Variants in ARHGAP19 observed in about 807,000 individuals in gnomAD.
The protein encoded by ARHGAP19 is rho GTPase-activating protein 19.
Under a neutral mutation model 60.9 loss-of-function variants are expected in ARHGAP19, and 48 were observed. The ratio of observed to expected loss-of-function variants is 0.79; its 90% confidence interval spans 0.62 to 1.00. The LOEUF (loss-of-function observed/expected upper bound fraction) is 1.00, where lower values mean the gene tolerates loss of function less well. ARHGAP19 is among the 50% of genes least tolerant of loss of function. The probability of loss-of-function intolerance (pLI) is 0.00; values close to 1 mark genes in which losing one functional copy is unlikely to be tolerated. For synonymous variants in ARHGAP19, 209 were observed against 215.5 expected, an observed-to-expected ratio of 0.97 and a Z score of 0.27; for missense variants, 562 against 597.2, an observed-to-expected ratio of 0.94 and a Z score of 0.61.
chr10:97,246,211 T>A lies in ARHGAP19; in HGVS notation c.993+61A>T, dbSNP rs1020259404. 84 of 1,374,876 alleles carry A rather than the reference T, an allele frequency of 6.1e-5. 2 individuals carry two copies. In the South Asian group the frequency reaches 9.5e-4, roughly 16 times the overall value. The allele number at this position is 1,374,876 out of a possible 1,614,324, so 85.2% of individuals were successfully genotyped here. On this transcript the variant is annotated intron_variant, in intron 7 of 11. Transcript: ENST00000358531. ...TTTACTTTGACTTCATACTTTGTTT[T>A]AAGACTCCACAAATCTTAATGCTCT...
intron 3 of ARHGAP19, 69 bp downstream of exon 3, chr10:97,264,757 C>T: frequency 8.5e-7 from 1 of 1,175,584 alleles, no homozygotes; most frequent in Non-Finnish European, 1.3e-6. Context: ...TAACTCAAGG[C>T]AGTTAGCTCT....
At chr10:97,243,707 C>T (rs17112577) in intron 8 of ARHGAP19, among the ~76,000 whole-genome samples, 6,396 of 152,278 alleles carry the variant, frequency 0.042, 200 homozygotes, top group Non-Finnish European at 0.059. Flanking sequence ...TGCTGGTTAT[C>T]TCTCAGCAAA....
intron 11 of ARHGAP19, among the ~76,000 whole-genome samples, chr10:97,227,141 A>T (rs1489087345): frequency 2.6e-5 from 4 of 152,252 alleles, no homozygotes; most frequent in African/African-American, 9.6e-5. Context: ...CCTGTACTAA[A>T]TAATAGTCTT....
At chr10:97,285,479 T>A (rs1843142061) in intron 1 of ARHGAP19, among the ~76,000 whole-genome samples, 2 of 151,128 alleles carry the variant, frequency 1.3e-5, no homozygotes, top group Non-Finnish European at 2.9e-5. Flanking sequence ...ACTGCGGGTA[T>A]GTGCCACCAT....
chr10:97,286,873 G>A (rs1010246911), intron 1 of ARHGAP19, among the ~76,000 whole-genome samples: 2 of 152,038 alleles, frequency 1.3e-5, no homozygotes, highest in South Asian at 4.1e-4. Context: ...TCCTGCTTTC[G>A]CCTTTTCTCT....
chr10:97,252,266 T>C (rs12358257), intron 6 of ARHGAP19, among the ~76,000 whole-genome samples: 1 of 150,636 alleles, frequency 6.6e-6, no homozygotes, highest in African/African-American at 2.4e-5. Context: ...TCACTTGAGC[T>C]CAGTGAGCTG....
chr10:97,267,362 C>T (rs958340919), intron 1 of ARHGAP19, among the ~76,000 whole-genome samples: 1 of 152,240 alleles, frequency 6.6e-6, no homozygotes, highest in African/African-American at 2.4e-5. Context: ...CTGGGTACAT[C>T]CCCATTCCTG....
At chr10:97,287,640 G>A (rs1046257724) in intron 1 of ARHGAP19, among the ~76,000 whole-genome samples, 3 of 151,968 alleles carry the variant, frequency 2.0e-5, no homozygotes, top group East Asian at 1.9e-4. Context: ...CTACTTGAGA[G>A]GCTAAGGTGG....
chr10:97,259,585 T>G lies in ARHGAP19; in HGVS notation c.657A>C (p.Pro219=). 6.2e-7 allele frequency: 1 copy of G among 1,614,184 alleles called. No individual in the cohort carries two copies. Among genetic ancestry groups the G allele is most frequent in the Non-Finnish European group, 8.5e-7 (1 of 1,180,026 alleles). Residue 219 remains proline, a synonymous_variant, in exon 5 of 12, where the codon CCA becomes CCC. Coordinates refer to ENST00000358531, the MANE Select transcript of ARHGAP19 (RefSeq NM_032900.6). The stretch of plus-strand genomic sequence containing the variant: ...GAGCCTCAATTTGCCGGTCCTTGTC[T>G]GGTATATTGGTCTTGTTTCCTTTAT... ...FDDKGNKTNI[P]DKDRQIEALQ...
intron 6 of ARHGAP19, among the ~76,000 whole-genome samples, chr10:97,248,329 G>A (rs1409714157): frequency 1.3e-5 from 2 of 151,886 alleles, no homozygotes; most frequent in Admixed American, 1.3e-4. Context: ...TGGGAGGATC[G>A]ACTGGTCCCA....
chr10:97,242,412 C>T (rs531474248), intron 8 of ARHGAP19, among the ~76,000 whole-genome samples: 6 of 149,624 alleles, frequency 4.0e-5, no homozygotes, highest in Non-Finnish European at 8.9e-5. Context: ...CAGCTCACCG[C>T]AACCTCCACC....
rs985764869 is a variant in ARHGAP19 at position 97,246,414 on chromosome 10, G to T, written c.928-77C>A. On this transcript the variant is annotated intron_variant, in intron 6 of 11. Transcript: ENST00000358531. ...ATTCTTTCAGGCCGCAAGGACAGTG[G>T]TTCTCAAAATCATTTGACCAGCAGA... The T allele has an allele frequency of 2.1e-5, 25 of 1,165,598 alleles. No individual in the cohort carries two copies. The Admixed American group carries it at 4.3e-4, about 20-fold the overall frequency. The allele number at this position is 1,165,598 out of a possible 1,614,324, so 72.2% of individuals were successfully genotyped here. A position where few individuals can be genotyped will look rare whatever the true frequency, so the allele number is the denominator to read the frequency against.
chr10:97,241,731 C>A (rs972406963), intron 8 of ARHGAP19, among the ~76,000 whole-genome samples: 7 of 150,110 alleles, frequency 4.7e-5, no homozygotes, highest in African/African-American at 1.5e-4. Flanking sequence ...AAAAATAGGC[C>A]GGGTGCAGTG....
At chr10:97,249,033 A>G (rs2134850079) in intron 6 of ARHGAP19, among the ~76,000 whole-genome samples, 1 of 152,234 alleles carries the variant, frequency 6.6e-6, no homozygotes, top group Non-Finnish European at 1.5e-5. Flanking sequence ...GCCCAGGAGA[A>G]TATCAACATT....
At chr10:97,228,993 T>C (rs972286749) in intron 11 of ARHGAP19, 154 bp downstream of exon 11, 10 of 744,126 alleles carry the variant, frequency 1.3e-5, no homozygotes, top group Non-Finnish European at 2.2e-5. Context: ...AATAACCATC[T>C]GGTGAATGAA....
chr10:97,263,365 C>A, intron 4 of ARHGAP19, 55 bp downstream of exon 4: 4 of 1,551,284 alleles, frequency 2.6e-6, no homozygotes, highest in South Asian at 1.1e-5. Flanking sequence ...TTCCTAGGAA[C>A]TTTACTAAAT....
intron 6 of ARHGAP19, among the ~76,000 whole-genome samples, chr10:97,246,547 A>C (rs1232427491): frequency 6.6e-6 from 1 of 152,210 alleles, no homozygotes; most frequent in Non-Finnish European, 1.5e-5. Flanking sequence ...AACTGTGAGA[A>C]GACACCAATG....
chr10:97,248,495 G>A (rs901802040), intron 6 of ARHGAP19, among the ~76,000 whole-genome samples: 1 of 152,062 alleles, frequency 6.6e-6, no homozygotes, highest in African/African-American at 2.4e-5. Context: ...AGAAAAAGTT[G>A]CGTAGTATTA....
At chr10:97,229,066 T>C in intron 11 of ARHGAP19, 81 bp downstream of exon 11, 2 of 1,345,162 alleles carry the variant, frequency 1.5e-6, no homozygotes, top group Non-Finnish European at 2.1e-6. Flanking sequence ...TGTACTATCC[T>C]GGGAATTCAA....
Sources: allele counts gnomAD v4.1 joint callset (sites outside exome capture counted in the v4.1 genomes callset), GRCh38; gene constraint gnomAD v4.1.1; transcripts MANE v1.5; gene names NCBI Gene and HGNC (gene_info 2026-07-23, HGNC 2026-07-21).